The following SLC25A36 variants were observed in gnomAD, a reference collection of about 807,000 sequenced individuals.
SLC25A36 encodes solute carrier family 25 member 36.
In SLC25A36, 24 loss-of-function variants were observed where a neutral mutation model predicts 35.3. The observed-to-expected ratio is 0.68, with a 90% CI of 0.49 to 0.96. SLC25A36 has a LOEUF of 0.96. Among genes scored for constraint, SLC25A36 ranks in the 40% least tolerant of loss-of-function variants. The probability of loss-of-function intolerance (pLI) is 0.00; values close to 1 mark genes in which losing one functional copy is unlikely to be tolerated. For synonymous variants in SLC25A36, 141 were observed against 132.2 expected (o/e 1.07, Z -0.46); for missense variants, 294 against 381.1 (o/e 0.77, Z 1.90).
chr3:140,951,688 T>G (rs1164576425), intron 1 of SLC25A36, among the ~76,000 whole-genome samples: 1 of 151,984 alleles, frequency 6.6e-6, no homozygotes, highest in Admixed American at 6.6e-5. Context: ...AGAGGTGGTG[T>G]TTCACCATGT....
chr3:140,948,419 T>A (rs1461297555), intron 1 of SLC25A36, among the ~76,000 whole-genome samples: 1 of 151,188 alleles, frequency 6.6e-6, no homozygotes, highest in East Asian at 2.0e-4. Flanking sequence ...CCTGACCTCA[T>A]GATCTGCCCA....
chr3:140,943,352 A>G (rs1278011548), intron 1 of SLC25A36, among the ~76,000 whole-genome samples: 1 of 152,228 alleles, frequency 6.6e-6, no homozygotes, highest in East Asian at 1.9e-4. Context: ...AGGTTGGCAC[A>G]CTTTCATCAA....
chr3:140,958,595 A>C (rs183632599), intron 2 of SLC25A36, among the ~76,000 whole-genome samples: 64 of 152,316 alleles, frequency 4.2e-4, no homozygotes, highest in Non-Finnish European at 6.6e-4. Context: ...TAACAGGCCA[A>C]CCATTCTGGT....
intron 2 of SLC25A36, among the ~76,000 whole-genome samples, chr3:140,957,646 CA>C (rs1168952534): frequency 6.6e-6 from 1 of 152,082 alleles, no homozygotes; most frequent in Non-Finnish European, 1.5e-5. Context: ...GAGGCTGAGG[CA>C]GGAGAATCAC....
In SLC25A36 at chr3:140,963,193, T is replaced by C. The variant is rs776090848; in HGVS notation, c.351T>C (p.Ser117=). The change falls in exon 4 of 7, where the codon TCT becomes TCC. Residue 117 remains serine (S), a synonymous_variant. Coordinates refer to ENST00000324194, the MANE Select transcript of SLC25A36 (RefSeq NM_001104647.3). ...EKLNDVFDPD[S]TQVHMISAAM... ...TGAATGATGTATTTGATCCTGATTC[T>C]ACCCAAGTACATATGATTTCAGCTG... The C allele has an allele frequency of 6.3e-7, 1 of 1,594,896 alleles. No homozygotes were observed. The highest frequency in any genetic ancestry group is 8.5e-7 in the Non-Finnish European group (1 of 1,175,380).
At chr3:140,954,897 A>G (rs1328579264) in intron 1 of SLC25A36, among the ~76,000 whole-genome samples, 3 of 152,088 alleles carry the variant, frequency 2.0e-5, no homozygotes, top group Non-Finnish European at 2.9e-5. Flanking sequence ...TGATGTCCAT[A>G]TAAGAAGTCT....
intron 6 of SLC25A36, among the ~76,000 whole-genome samples, chr3:140,975,015 T>C (rs992991614): frequency 6.7e-6 from 1 of 149,670 alleles, no homozygotes; most frequent in African/African-American, 2.4e-5. Flanking sequence ...AGGAACAGAG[T>C]TTTGGGGTTT....
At chr3:140,949,793 A>G (rs1934269592) in intron 1 of SLC25A36, among the ~76,000 whole-genome samples, 1 of 152,246 alleles carries the variant, frequency 6.6e-6, no homozygotes, top group African/African-American at 2.4e-5. Context: ...ACACAGAACA[A>G]ACCAGTGACT....
Position 140,942,021 on chromosome 3 carries a change from C to A in SLC25A36, c.-34C>A. ...GTAGCGGGCGGCCAGATCCGCGTCCCGCCTCAGCGGCCGGAGGACATGCGG... is the reference window on the plus strand; with the variant it reads ...GTAGCGGGCGGCCAGATCCGCGTCCAGCCTCAGCGGCCGGAGGACATGCGG... On this transcript the variant is annotated 5_prime_UTR_variant, in exon 1 of 7. Coordinates refer to ENST00000324194, the MANE Select transcript of SLC25A36 (RefSeq NM_001104647.3). 4 of 1,326,782 alleles carry A rather than the reference C, an allele frequency of 3.0e-6. No individual in the cohort carries two copies. The highest frequency in any genetic ancestry group is 4.2e-6 in the Non-Finnish European group (4 of 954,704). The allele number at this position is 1,326,782 out of a possible 1,614,324, so 82.2% of individuals were successfully genotyped here.
intron 1 of SLC25A36, among the ~76,000 whole-genome samples, chr3:140,948,889 T>A (rs1252383670): frequency 6.6e-6 from 1 of 152,108 alleles, no homozygotes; most frequent in Non-Finnish European, 1.5e-5. Flanking sequence ...CATGACTGGG[T>A]ATGATGGCTG....
intron 3 of SLC25A36, among the ~76,000 whole-genome samples, chr3:140,961,856 A>C (rs1934637884): frequency 1.9e-5 from 1 of 52,970 alleles, no homozygotes; most frequent in Non-Finnish European, 3.2e-5. Context: ...GCTCCGTCTC[A>C]AAAAAAAAAA....
At chr3:140,958,321 A>G (rs1287735067) in intron 2 of SLC25A36, among the ~76,000 whole-genome samples, 1 of 152,198 alleles carries the variant, frequency 6.6e-6, no homozygotes, top group Non-Finnish European at 1.5e-5. Flanking sequence ...TTACTCCAGG[A>G]AAGTCTTCTG....
Position 140,976,383 on chromosome 3 carries a change from T to A in SLC25A36, c.866T>A (p.Val289Glu). The change falls in exon 7 of 7, where the codon GTG (valine) becomes GAG (glutamate). Residue 289 changes from valine to glutamate, a missense_variant. Val to Glu is a moderately radical substitution (Grantham distance 121). Around this residue, in one of 2 missense-constraint regions of SLC25A36, gnomAD observed 109 missense variants for 179.7 expected, o/e 0.61. Transcript: ENST00000324194. Reference sequence around the variant, plus strand: ...TATCGTGGTCTGACAACTCATCTAGTGAGACAGATTCCAAACACAGCCATT... The same window carrying A: ...TATCGTGGTCTGACAACTCATCTAGAGAGACAGATTCCAAACACAGCCATT... ...SLYRGLTTHLVRQIPNTAIMM... is the reference protein window; with the variant it reads ...SLYRGLTTHLERQIPNTAIMM... 1 of 1,613,942 alleles carries A rather than the reference T, an allele frequency of 6.2e-7. No homozygotes were observed. Among genetic ancestry groups the A allele is most frequent in the Non-Finnish European group, 8.5e-7 (1 of 1,179,924 alleles).
In SLC25A36 at chr3:140,977,039, C is replaced by T. The variant is rs1935066278; in HGVS notation, c.*586C>T. On this transcript the variant is annotated 3_prime_UTR_variant, in exon 7 of 7. Transcript: ENST00000324194. ...CATCAAAATGTTTTGGTTTCCACTGCTGACAGGTGCTTGTTGTTTAGCCTA... is the reference window on the plus strand; with the variant it reads ...CATCAAAATGTTTTGGTTTCCACTGTTGACAGGTGCTTGTTGTTTAGCCTA... 1 of 152,158 alleles carries T rather than the reference C, an allele frequency of 6.6e-6. No individual in the cohort carries two copies. 9.4% of individuals were successfully genotyped at this position (152,158 alleles called of 1,614,324 possible).
intron 1 of SLC25A36, among the ~76,000 whole-genome samples, chr3:140,951,055 A>G (rs1341441797): frequency 1.3e-5 from 2 of 152,096 alleles, no homozygotes; most frequent in Non-Finnish European, 2.9e-5. Flanking sequence ...TGCCCTAATC[A>G]TTAGGCCTCC....
At chr3:140,943,128 G>A (rs766307173) in intron 1 of SLC25A36, among the ~76,000 whole-genome samples, 2 of 152,178 alleles carry the variant, frequency 1.3e-5, no homozygotes, top group Non-Finnish European at 2.9e-5. Flanking sequence ...GCAATTTTAA[G>A]AGTTACTTAT....
intron 1 of SLC25A36, among the ~76,000 whole-genome samples, chr3:140,949,387 G>A (rs1162863821): frequency 6.6e-6 from 1 of 151,912 alleles, no homozygotes; most frequent in Non-Finnish European, 1.5e-5. Context: ...GTACAATTTG[G>A]CAAACATCAT....
At chr3:140,969,880 T>G (rs1934857777) in intron 4 of SLC25A36, among the ~76,000 whole-genome samples, 1 of 151,970 alleles carries the variant, frequency 6.6e-6, no homozygotes, top group Admixed American at 6.6e-5. Context: ...CACTAGTATT[T>G]GATAGAAATA....
intron 1 of SLC25A36, among the ~76,000 whole-genome samples, chr3:140,947,727 A>T (rs946309841): frequency 6.6e-6 from 1 of 152,186 alleles, no homozygotes; most frequent in Non-Finnish European, 1.5e-5. Flanking sequence ...TCCTATACTT[A>T]AAAAAATGCT....
Sources: gnomAD v4.1 joint callset for allele counts (sites outside exome capture counted in the v4.1 genomes callset) on GRCh38, gnomAD v4.1.1 for gene constraint, gnomAD v4.1.1 regional missense constraint, MANE v1.5 for transcripts, NCBI Gene and HGNC (gene_info 2026-07-23, HGNC 2026-07-21) for gene names.